The following FBXL12 variants were observed in gnomAD, a reference collection of about 807,000 sequenced individuals.
FBXL12 encodes the protein F-box/LRR-repeat protein 12.
FBXL12 carries 22 observed loss-of-function variants against 24.9 expected under a neutral mutation model. That is an observed-to-expected ratio of 0.88 (90% CI 0.63 to 1.26). The LOEUF is 1.26. Among genes scored for constraint, FBXL12 ranks in the 50% most tolerant of loss-of-function variants. FBXL12 has a pLI of 0.00. For missense variants in FBXL12, 384 were observed against 434.1 expected (o/e 0.88, Z 1.03); for synonymous variants, 193 against 193.8 (o/e 1.00, Z 0.03).
intron 2 of FBXL12, among the ~76,000 whole-genome samples, chr19:9,813,962 T>G (rs2045820756): frequency 6.6e-6 from 1 of 151,920 alleles, no homozygotes. Context: ...TACATCAAAC[T>G]CTTCCATTCA....
chr19:9,812,694 G>A, intron 2 of FBXL12, among the ~76,000 whole-genome samples: 1 of 134,044 alleles, frequency 7.5e-6, no homozygotes. Context: ...ACCTCCAGTA[G>A]AAATAAGCAA....
At chr19:9,816,952 G>A (rs1487500363) in intron 2 of FBXL12, among the ~76,000 whole-genome samples, 1 of 152,146 alleles carries the variant, frequency 6.6e-6, no homozygotes, top group Non-Finnish European at 1.5e-5. Context: ...AAAAGAAAAT[G>A]AGAAAGAAGC....
chr19:9,813,083 T>C, intron 2 of FBXL12: 1 of 412,068 alleles, frequency 2.4e-6, no homozygotes, highest in East Asian at 4.0e-5. Context: ...AAAAAAAAAA[T>C]ATATCAAAGC....
intron 2 of FBXL12, among the ~76,000 whole-genome samples, chr19:9,812,348 T>C (rs1209431584): frequency 6.6e-6 from 1 of 151,892 alleles, no homozygotes; most frequent in African/African-American, 2.4e-5. Flanking sequence ...CTGGCCAACA[T>C]GGTGAAACCA....
chr19:9,815,813 C>T (rs1327576855), intron 2 of FBXL12, among the ~76,000 whole-genome samples: 1 of 152,138 alleles, frequency 6.6e-6, no homozygotes, highest in East Asian at 1.9e-4. Context: ...CGCCACCACG[C>T]ATTTGTTGTA....
intron 2 of FBXL12, chr19:9,814,779 A>G (rs901300074): frequency 5.3e-5 from 8 of 152,088 alleles, no homozygotes; most frequent in African/African-American, 1.9e-4. Context: ...ATCTCTTGAG[A>G]TTTATTCACT....
Position 9,819,063 on chromosome 19 carries a change from G to T in FBXL12, c.-250C>A. On this transcript the variant is annotated 5_prime_UTR_variant, in exon 1 of 3. Transcript: ENST00000247977. ...GGTGGCTGAGGCGTGATTTGGCCGC[G>T]ACTGGGAACTAAGACCAAGTCCAGA... 1.7e-6 allele frequency: 1 copy of T among 571,826 alleles called. No individual in the cohort carries two copies. The highest frequency in any genetic ancestry group is 3.1e-6 in the Non-Finnish European group (1 of 319,484). The allele number at this position is 571,826 out of a possible 1,614,324, so 35.4% of individuals were successfully genotyped here.
intron 2 of FBXL12, among the ~76,000 whole-genome samples, chr19:9,817,703 AG>A (rs1412292244): frequency 6.6e-6 from 1 of 152,154 alleles, no homozygotes; most frequent in Non-Finnish European, 1.5e-5. Context: ...ACTGTATTAA[AG>A]GGAGTTACAG....
chr19:9,813,191 A>C lies in FBXL12; in HGVS notation c.160-1474T>G, dbSNP rs757670990. ...TGATAGCACTGGGCATTTCATTCTA[A>C]GTACAGTTTATCTTAAAAAGAAAAA... On this transcript the variant is annotated intron_variant, in intron 2 of 2. Coordinates refer to ENST00000247977, the MANE Select transcript of FBXL12 (RefSeq NM_017703.3). 8 of 1,163,274 alleles carry C rather than the reference A, an allele frequency of 6.9e-6. No individual in the cohort carries two copies. The African/African-American group carries it at 1.1e-4, about 16-fold the overall frequency. The allele number at this position is 1,163,274 out of a possible 1,614,324, so 72.1% of individuals were successfully genotyped here.
At position 9,810,993 on chromosome 19, in the gene FBXL12, T is replaced by G. The variant is rs1287024231; in HGVS notation, c.884A>C (p.Glu295Ala). Residue 295 changes from glutamate (E) to alanine (A), a missense_variant, in exon 3 of 3, where the codon GAG (glutamate) becomes GCG (alanine). Transcript: ENST00000247977. ...CAGGATCTTCTCCGCCTCCTGACCC[T>G]CCCACCCCAGCCCCTGCAGCTCAAG... ...RVLELQGLGW[E>A]GQEAEKILCK... The G allele has an allele frequency of 1.0e-6, 1 of 997,518 alleles. No homozygotes were observed. Among genetic ancestry groups the G allele is most frequent in the Non-Finnish European group, 1.5e-6 (1 of 681,320 alleles). 61.8% of individuals were successfully genotyped at this position (997,518 alleles called of 1,614,324 possible). A position where few individuals can be genotyped will look rare whatever the true frequency, so the allele number is the denominator to read the frequency against.
Position 9,811,695 on chromosome 19 carries a change from T to G in FBXL12, c.182A>C (p.His61Pro). ...GGATGCCATGTACCTTCGAAGGAGG[T>G]GCCACATGACTTTAGGTCGCATCTG... ...LYTMRPKVMW[H>P]LLRRYMASRL... The change falls in exon 3 of 3, where the codon CAC becomes CCC. Residue 61 changes from histidine to proline, a missense_variant. Coordinates refer to ENST00000247977, the MANE Select transcript of FBXL12 (RefSeq NM_017703.3). The surrounding 1 kb of genome is among the most constrained non-coding windows in gnomAD (Gnocchi z 6.0). 6.6e-7 allele frequency: 1 copy of G among 1,512,322 alleles called. No homozygotes were observed. The highest frequency in any genetic ancestry group is 8.8e-7 in the Non-Finnish European group (1 of 1,130,704). 93.7% of individuals were successfully genotyped at this position (1,512,322 alleles called of 1,614,324 possible). A position where few individuals can be genotyped will look rare whatever the true frequency, so the allele number is the denominator to read the frequency against.
At chr19:9,812,757 G>GT (rs1184515006) in intron 2 of FBXL12, among the ~76,000 whole-genome samples, 1 of 109,130 alleles carries the variant, frequency 9.2e-6, no homozygotes, top group Non-Finnish European at 1.8e-5. Context: ...TTAGGTCTAT[G>GT]TTAAAAAAAA....
Position 9,811,749 on chromosome 19 carries a change from G to GA in FBXL12, c.160-33dup. On this transcript the variant is annotated intron_variant, in intron 2 of 2. Coordinates refer to ENST00000247977, the MANE Select transcript of FBXL12 (RefSeq NM_017703.3). The surrounding 1 kb of genome is among the most constrained non-coding windows in gnomAD (Gnocchi z 6.0). The stretch of plus-strand genomic sequence containing the variant: ...GAGCCAGAGATTGGGGTGACAGAGT[G>GA]AGAGGTATGGAGCTTCCAAGGCCCC... 1 of 1,488,620 alleles carries GA rather than the reference G, an allele frequency of 6.7e-7. No homozygotes were observed. The highest frequency in any genetic ancestry group is 9.0e-7 in the Non-Finnish European group (1 of 1,115,212). The allele number at this position is 1,488,620 out of a possible 1,614,324, so 92.2% of individuals were successfully genotyped here. A position where few individuals can be genotyped will look rare whatever the true frequency, so the allele number is the denominator to read the frequency against.
At chr19:9,816,770 C>T (rs533088463) in intron 2 of FBXL12, among the ~76,000 whole-genome samples, 12 of 152,164 alleles carry the variant, frequency 7.9e-5, no homozygotes, top group East Asian at 1.9e-4. Context: ...TTTTCAGCAA[C>T]GCCCCACTTA....
rs1006338733 is a variant in FBXL12, at chr19:9,810,514, C to T, written c.*382G>A. ...GGGTACTCATAAGGGGGCTCAGACC[C>T]TCAGGTGCCCCTGAGTCTTAACCCC... On this transcript the variant is annotated 3_prime_UTR_variant, in exon 3 of 3. Transcript: ENST00000247977. 5 of 181,144 alleles carry T rather than the reference C, an allele frequency of 2.8e-5. No individual in the cohort carries two copies. The highest frequency in any genetic ancestry group is 1.1e-4 in the Admixed American group (2 of 18,582). The allele number at this position is 181,144 out of a possible 1,614,324, so 11.2% of individuals were successfully genotyped here.
In FBXL12 at chr19:9,810,640, G is replaced by T. The variant is rs1229454621; in HGVS notation, c.*256C>A. The T allele has an allele frequency of 1.3e-5, 5 of 387,852 alleles. No homozygotes were observed. Among genetic ancestry groups the T allele is most frequent in the Non-Finnish European group, 2.3e-5 (5 of 214,168 alleles). 24.0% of individuals were successfully genotyped at this position (387,852 alleles called of 1,614,324 possible). On this transcript the variant is annotated 3_prime_UTR_variant, in exon 3 of 3. Coordinates refer to ENST00000247977, the MANE Select transcript of FBXL12 (RefSeq NM_017703.3). ...AGCTTTTAGAGTAAGGCTTTGCAAT[G>T]TAACCGTGAGGTAGCTATGATCATC...
rs776318143 is a variant in FBXL12 at position 9,811,333 on chromosome 19, C to G, written c.544G>C (p.Val182Leu). ...GTCACACGGTAGGTACCACCCAGCA[C>G]CAGCGAGCGCAAGGCCCGGAAGCGC... ...LTRFRALRSL[V>L]LGGTYRVTET... The change falls in exon 3 of 3, where the codon GTG becomes CTG. Residue 182 changes from valine to leucine, a missense_variant. Physicochemically the swap from Val to Leu is conservative, Grantham distance 32. Coordinates refer to ENST00000247977, the MANE Select transcript of FBXL12 (RefSeq NM_017703.3). The surrounding 1 kb of genome is among the most constrained non-coding windows in gnomAD (Gnocchi z 6.0). 2.5e-6 allele frequency: 4 copies of G among 1,609,680 alleles called. No homozygotes were observed. The highest frequency in any genetic ancestry group is 1.1e-5 in the South Asian group (1 of 91,090).
At position 9,818,720 on chromosome 19, in the gene FBXL12, G is replaced by T; in HGVS notation, c.86+8C>A. The T allele has an allele frequency of 6.5e-7, 1 of 1,544,894 alleles. No homozygotes were observed. The highest frequency in any genetic ancestry group is 1.2e-5 in the South Asian group (1 of 84,090). ...GCCCTGCCCTTCCCCCCGGAGGCGG[G>T]GCCGCACCTGGAGATGCGGATCCGG... On this transcript the variant is annotated splice_region_variant and intron_variant, in intron 1 of 2. Coordinates refer to ENST00000247977, the MANE Select transcript of FBXL12 (RefSeq NM_017703.3).
chr19:9,818,784 C>G lies in FBXL12; in HGVS notation c.30G>C (p.Ser10=), dbSNP rs773870634. The change falls in exon 1 of 3, where the codon TCG becomes TCC. Residue 10 remains serine, a synonymous_variant. Coordinates refer to ENST00000247977, the MANE Select transcript of FBXL12 (RefSeq NM_017703.3). ...GGTAAGAGAAGATCTCGAGCAGGAC[C>G]GAGTCCGGCAGTTCGACCAAAGTCG... is the stretch of plus-strand genomic sequence containing the variant. MATLVELPD[S]VLLEIFSYLP... 2.6e-6 allele frequency: 4 copies of G among 1,555,602 alleles called. No homozygotes were observed. The highest frequency in any genetic ancestry group is 1.9e-5 in the Admixed American group (1 of 51,396).
Sources: gnomAD v4.1 joint callset for allele counts (sites outside exome capture counted in the v4.1 genomes callset) on GRCh38, gnomAD v4.1.1 for gene constraint, Gnocchi (gnomAD v3.1) non-coding constraint, MANE v1.5 for transcripts, NCBI Gene and HGNC (gene_info 2026-07-23, HGNC 2026-07-21) for gene names.